NUP160: variants seen among roughly 807,000 people sequenced by gnomAD.
The protein encoded by NUP160 is nuclear pore complex protein Nup160.
In NUP160, 94 loss-of-function variants were observed where a neutral mutation model predicts 196.9. That is an observed-to-expected ratio of 0.48 (90% confidence interval 0.40 to 0.57). The LOEUF (loss-of-function observed/expected upper bound fraction) is 0.57, where lower values mean the gene tolerates loss of function less well. NUP160 is among the 20% of genes least tolerant of loss of function. The probability of loss-of-function intolerance (pLI) is 0.00; values close to 1 mark genes in which losing one functional copy is unlikely to be tolerated. For missense variants in NUP160, 1,638 were observed against 1,748.3 expected (o/e 0.94, Z 1.13); for synonymous variants, 605 against 619.7 (o/e 0.98, Z 0.35).
intron 11 of NUP160, 76 bp from the exon 12 acceptor site, chr11:47,816,105 AGAGGC>A: frequency 1.0e-6 from 1 of 985,938 alleles, no homozygotes; most frequent in Non-Finnish European, 1.6e-6. Flanking sequence ...TAGAAGACAT[AGAGGC>A]AATATAAAAC....
intron 32 of NUP160, among the ~76,000 whole-genome samples, chr11:47,786,188 G>T (rs942067959): frequency 2.0e-5 from 3 of 152,166 alleles, no homozygotes; most frequent in Non-Finnish European, 2.9e-5. Flanking sequence ...ATTTTTGCCT[G>T]TAAGAGTACC....
intron 15 of NUP160, 51 bp downstream of exon 15, chr11:47,812,831 A>T: frequency 6.6e-7 from 1 of 1,522,312 alleles, no homozygotes. Flanking sequence ...CTTTGGCGCT[A>T]AAAATGCTGA....
At chr11:47,848,323 C>T (rs747625717) in exon 1 of NUP160, 3 of 1,613,886 alleles carry the variant, frequency 1.9e-6, no homozygotes, top group South Asian at 1.1e-5. Context: ...CGCCATCTTC[C>T]CGCCGTCGCC....
At chr11:47,796,255 T>C in intron 27 of NUP160, 2 of 664,492 alleles carry the variant, frequency 3.0e-6, no homozygotes. Context: ...CAGAGCACAG[T>C]AGGATCAATC....
intron 7 of NUP160, among the ~76,000 whole-genome samples, chr11:47,827,586 G>T (rs1264093184): frequency 6.6e-6 from 1 of 151,448 alleles, no homozygotes; most frequent in Non-Finnish European, 1.5e-5. Context: ...GCACATGCCC[G>T]TGGTCCCGGC....
At chr11:47,814,070 C>CAAAAAA (rs5791787) in intron 13 of NUP160, among the ~76,000 whole-genome samples, 1 of 39,864 alleles carries the variant, frequency 2.5e-5, no homozygotes, top group African/African-American at 8.2e-5. Flanking sequence ...GACTCTGTCT[C>CAAAAAA]AAAAAAAAAA....
At chr11:47,804,256 C>G (rs1211596416) in intron 21 of NUP160, 3 of 274,692 alleles carry the variant, frequency 1.1e-5, no homozygotes, top group Non-Finnish European at 2.0e-5. Flanking sequence ...AGAGAAAAAT[C>G]TCTCTCTTTA....
intron 27 of NUP160, among the ~76,000 whole-genome samples, chr11:47,795,669 T>C (rs2097670487): frequency 6.6e-6 from 1 of 152,186 alleles, no homozygotes; most frequent in Non-Finnish European, 1.5e-5. Flanking sequence ...TGATAAATAA[T>C]TCATTGATAA....
At chr11:47,806,360 T>C (rs746548756) in intron 19 of NUP160, 48 bp from the exon 20 acceptor site, 6 of 1,439,712 alleles carry the variant, frequency 4.2e-6, no homozygotes, top group South Asian at 3.6e-5. Flanking sequence ...TAATTATCAA[T>C]TTTCAATTAA....
intron 22 of NUP160, 25 bp downstream of exon 22, chr11:47,803,413 T>C: frequency 7.2e-7 from 1 of 1,383,174 alleles, no homozygotes; most frequent in Non-Finnish European, 1.0e-6. Context: ...TTATAAAGTT[T>C]ATTTGCCATT....
chr11:47,822,299 C>A lies in NUP160; in HGVS notation c.1102-135G>T, dbSNP rs986631503. 3.2e-5 allele frequency: 16 copies of A among 507,892 alleles called. No homozygotes were observed. The East Asian group carries it at 5.3e-4, about 17-fold the overall frequency. The allele number at this position is 507,892 out of a possible 1,614,324, so 31.5% of individuals were successfully genotyped here. A position where few individuals can be genotyped will look rare whatever the true frequency, so the allele number is the denominator to read the frequency against. On this transcript the variant is annotated intron_variant, in intron 7 of 35. Coordinates refer to ENST00000378460, the Ensembl canonical transcript of NUP160. Reference sequence around the variant, plus strand: ...TGAAAGAAGAGTCTTGCTCTGTTGCCCAGGCTGGAGTGCAATGGCACGATC... The same window carrying A: ...TGAAAGAAGAGTCTTGCTCTGTTGCACAGGCTGGAGTGCAATGGCACGATC...
chr11:47,842,758 G>A (rs1599351716), intron 2 of NUP160, among the ~76,000 whole-genome samples: 1 of 152,150 alleles, frequency 6.6e-6, no homozygotes, highest in African/African-American at 2.4e-5. Flanking sequence ...GGGAGGCCAA[G>A]ACAGGAGGAT....
intron 7 of NUP160, among the ~76,000 whole-genome samples, 177 bp from the exon 8 acceptor site, chr11:47,822,341 T>C (rs1200244658): frequency 6.6e-6 from 1 of 151,980 alleles, no homozygotes; most frequent in African/African-American, 2.4e-5. Flanking sequence ...CACTGCAACC[T>C]CCACCTCCTA....
At chr11:47,812,354 T>C (rs779093003) in exon 16 of NUP160, 2 of 1,614,004 alleles carry the variant, frequency 1.2e-6, no homozygotes, top group African/African-American at 2.7e-5. Context: ...CCATTTCCCG[T>C]ATAAGTAGTC....
chr11:47,806,095 T>A, intron 20 of NUP160, 58 bp downstream of exon 20: 1 of 1,536,586 alleles, frequency 6.5e-7, no homozygotes, highest in Non-Finnish European at 9.0e-7. Context: ...ATTACAGGTG[T>A]GAGCCAACAT....
At chr11:47,819,105 G>C (rs1458173644) in intron 10 of NUP160, among the ~76,000 whole-genome samples, 2 of 152,074 alleles carry the variant, frequency 1.3e-5, no homozygotes, top group African/African-American at 4.8e-5. Context: ...CCTGAGGTCA[G>C]GAGTTGGAGA....
intron 29 of NUP160, among the ~76,000 whole-genome samples, chr11:47,791,139 G>A (rs1267465823): frequency 7.4e-6 from 1 of 136,026 alleles, no homozygotes; most frequent in East Asian, 2.2e-4. Context: ...TGAAGCAACA[G>A]CTTCACAAAT....
chr11:47,784,813 A>G, intron 33 of NUP160, 109 bp downstream of exon 33: 1 of 813,990 alleles, frequency 1.2e-6, no homozygotes, highest in Non-Finnish European at 1.8e-6. Context: ...ATGTGCGGGC[A>G]TGACAGGTAT....
chr11:47,840,319 A>G (rs915429434), intron 3 of NUP160, 59 bp downstream of exon 3: 1 of 1,419,042 alleles, frequency 7.0e-7, no homozygotes, highest in Admixed American at 1.7e-5. Context: ...CTCCAGCACT[A>G]CATTTGTGAC....
Sources: gnomAD v4.1 joint callset for allele counts (sites outside exome capture counted in the v4.1 genomes callset) on GRCh38, gnomAD v4.1.1 for gene constraint, MANE v1.5 for transcripts, NCBI Gene and HGNC (gene_info 2026-07-23, HGNC 2026-07-21) for gene names.